PLXDC2: variants seen among roughly 807,000 people sequenced by gnomAD.
PLXDC2 encodes plexin domain-containing protein 2.
A neutral mutation model predicts 68.9 loss-of-function variants in PLXDC2; 40 were observed. The observed-to-expected ratio is 0.58, with a 90% confidence interval of 0.45 to 0.76. The LOEUF (loss-of-function observed/expected upper bound fraction) is 0.76, where lower values mean the gene tolerates loss of function less well. PLXDC2 is among the 30% of genes least tolerant of loss of function. PLXDC2 has a pLI of 0.00. For synonymous variants in PLXDC2, 243 were observed against 234.2 expected (o/e 1.04, Z -0.34); for missense variants, 644 against 661.9 (o/e 0.97, Z 0.30).
intron 1 of PLXDC2, among the ~76,000 whole-genome samples, chr10:19,983,214 G>C (rs1009920911): frequency 2.0e-5 from 3 of 152,078 alleles, no homozygotes; most frequent in Non-Finnish European, 2.9e-5. Flanking sequence ...TAGTAGATTT[G>C]ATAGCAATCA....
Position 20,247,799 on chromosome 10 carries a change from G to A in PLXDC2, c.1473+2294G>A, listed in dbSNP as rs530630342. 4.5e-4 allele frequency among the ~76,000 whole-genome samples: 68 copies of A among 152,230 alleles called. 1 individual carries two copies. Among genetic ancestry groups the A allele is most frequent in the African/African-American group, 1.5e-3 (64 of 41,542 alleles). ...TTCTGCCAATATTTCCTGGAAAAAC[G>A]TTCATAATAAATATCCTAGGACATT... On this transcript the variant is annotated intron_variant, in intron 13 of 13. Coordinates refer to ENST00000377252, the MANE Select transcript of PLXDC2 (RefSeq NM_032812.9).
intron 1 of PLXDC2, among the ~76,000 whole-genome samples, chr10:19,817,557 G>T (rs958333984): frequency 1.3e-5 from 2 of 152,124 alleles, no homozygotes; most frequent in Non-Finnish European, 2.9e-5. Context: ...CTCCTTCCTC[G>T]CTGCTGGTTA....
chr10:20,086,113 A>G (rs933496651), intron 4 of PLXDC2, among the ~76,000 whole-genome samples: 2 of 152,078 alleles, frequency 1.3e-5, no homozygotes, highest in Admixed American at 1.3e-4. Context: ...CTTTGGGGAC[A>G]CATACTTGTT....
At chr10:19,915,077 C>T (rs1833341313) in intron 1 of PLXDC2, among the ~76,000 whole-genome samples, 1 of 152,110 alleles carries the variant, frequency 6.6e-6, no homozygotes, top group African/African-American at 2.4e-5. Flanking sequence ...CTACCAATCT[C>T]TGTCCTTTAA....
At chr10:19,889,561 A>G (rs1837912557) in intron 1 of PLXDC2, among the ~76,000 whole-genome samples, 1 of 152,208 alleles carries the variant, frequency 6.6e-6, no homozygotes, top group African/African-American at 2.4e-5. Context: ...CTAGGGTTAT[A>G]AAATGGAGTG....
chr10:19,877,068 C>T (rs188983897), intron 1 of PLXDC2, among the ~76,000 whole-genome samples: 2 of 152,274 alleles, frequency 1.3e-5, no homozygotes, highest in East Asian at 3.9e-4. Context: ...GTTTGCATTT[C>T]ACCGAATATA....
intron 1 of PLXDC2, among the ~76,000 whole-genome samples, chr10:19,924,504 G>T (rs544760730): frequency 6.6e-6 from 1 of 152,126 alleles, no homozygotes; most frequent in East Asian, 1.9e-4. Context: ...CCTTGGCAAG[G>T]TTATATAATA....
chr10:19,997,726 C>T (rs1031315894), intron 1 of PLXDC2, among the ~76,000 whole-genome samples: 5 of 152,162 alleles, frequency 3.3e-5, no homozygotes, highest in African/African-American at 9.6e-5. Flanking sequence ...GCAAGATTTG[C>T]AAAGAATAAT....
intron 1 of PLXDC2, among the ~76,000 whole-genome samples, chr10:19,962,492 G>T (rs111315046): frequency 7.0e-6 from 1 of 142,662 alleles, no homozygotes; most frequent in Admixed American, 7.2e-5. Flanking sequence ...GAGGTTTCAC[G>T]CCATTCTCCC....
intron 1 of PLXDC2, among the ~76,000 whole-genome samples, chr10:19,861,219 G>A (rs1278442806): frequency 3.3e-5 from 5 of 151,818 alleles, no homozygotes; most frequent in African/African-American, 1.2e-4. Flanking sequence ...ATTTTTTGTA[G>A]AGATGGGGTT....
chr10:20,255,741 A>C (rs985523866), intron 13 of PLXDC2, among the ~76,000 whole-genome samples: 1 of 152,234 alleles, frequency 6.6e-6, no homozygotes, highest in African/African-American at 2.4e-5. Context: ...AAACATTAAC[A>C]ATCTAGAGAG....
chr10:19,891,792 G>T (rs965544290), intron 1 of PLXDC2, among the ~76,000 whole-genome samples: 3 of 152,160 alleles, frequency 2.0e-5, no homozygotes, highest in South Asian at 2.1e-4. Flanking sequence ...ATAAACCAAA[G>T]AATTGGTTTC....
At chr10:20,218,918 C>T (rs1449137846) in intron 11 of PLXDC2, 146 bp from the exon 12 acceptor site, 2 of 809,586 alleles carry the variant, frequency 2.5e-6, no homozygotes, top group Non-Finnish European at 3.8e-6. Context: ...GACTTGCTCT[C>T]ATTGCACTAG....
At chr10:19,901,903 T>C (rs1838166827) in intron 1 of PLXDC2, among the ~76,000 whole-genome samples, 1 of 152,196 alleles carries the variant, frequency 6.6e-6, no homozygotes, top group Non-Finnish European at 1.5e-5. Flanking sequence ...GGCTTTCCAA[T>C]TATCCCAGCA....
intron 4 of PLXDC2, among the ~76,000 whole-genome samples, chr10:20,104,774 C>CG (rs1564316664): frequency 6.6e-6 from 1 of 151,962 alleles, no homozygotes; most frequent in Non-Finnish European, 1.5e-5. Flanking sequence ...CAGATCAGGC[C>CG]GGGTGTGGTG....
At chr10:19,950,887 A>G (rs1367742802) in intron 1 of PLXDC2, among the ~76,000 whole-genome samples, 14 of 152,226 alleles carry the variant, frequency 9.2e-5, no homozygotes, top group Non-Finnish European at 1.5e-5. Context: ...GTTGACAGAA[A>G]TAAGCAAGGG....
Position 20,282,048 on chromosome 10 carries a change from A to C in PLXDC2, c.*2229A>C, listed in dbSNP as rs969283895. ...TGATTCAAAACAATTGATTCAAAACAATTTTGAATCAATTTTCTATTTTGA... is the reference window on the plus strand; with the variant it reads ...TGATTCAAAACAATTGATTCAAAACCATTTTGAATCAATTTTCTATTTTGA... On this transcript the variant is annotated 3_prime_UTR_variant, in exon 14 of 14. Transcript: ENST00000377252. 6 of 152,140 alleles carry C rather than the reference A, an allele frequency of 3.9e-5. No individual in the cohort carries two copies. Among genetic ancestry groups the C allele is most frequent in the Non-Finnish European group, 8.8e-5 (6 of 68,016 alleles). 9.4% of individuals were successfully genotyped at this position (152,140 alleles called of 1,614,324 possible).
intron 2 of PLXDC2, among the ~76,000 whole-genome samples, chr10:20,032,096 C>A (rs1835509935): frequency 6.6e-6 from 1 of 152,074 alleles, no homozygotes; most frequent in African/African-American, 2.4e-5. Context: ...GCTGGGATTA[C>A]CGGCTTAAGC....
At chr10:19,969,393 T>G (rs576428919) in intron 1 of PLXDC2, among the ~76,000 whole-genome samples, 2 of 152,372 alleles carry the variant, frequency 1.3e-5, no homozygotes, top group African/African-American at 4.8e-5. Context: ...CTTTCTGACA[T>G]GATATTCCAC....
Sources: gnomAD v4.1 joint callset for allele counts (sites outside exome capture counted in the v4.1 genomes callset) on GRCh38, gnomAD v4.1.1 for gene constraint, MANE v1.5 for transcripts, NCBI Gene and HGNC (gene_info 2026-07-23, HGNC 2026-07-21) for gene names.